Variants in MCTP2 observed in about 807,000 individuals in gnomAD.
The protein encoded by MCTP2 is multiple C2 and transmembrane domain containing 2, also known as multiple C2 and transmembrane domain-containing protein 2.
Under a neutral mutation model 111.6 loss-of-function variants are expected in MCTP2, and 132 were observed. That is an observed-to-expected ratio of 1.18 (90% confidence interval 1.03 to 1.37). The LOEUF (loss-of-function observed/expected upper bound fraction) is 1.37, where lower values mean the gene tolerates loss of function less well. Among genes scored for constraint, MCTP2 ranks in the 40% most tolerant of loss-of-function variants. The pLI is 0.00. For synonymous variants in MCTP2, 395 were observed against 387.7 expected (o/e 1.02, Z -0.22); for missense variants, 1,183 against 1,067.9 (o/e 1.11, Z -1.50).
chr15:94,237,751 A>T (rs1436109059), intron 1 of MCTP2, among the ~76,000 whole-genome samples: 2 of 152,136 alleles, frequency 1.3e-5, no homozygotes, highest in Admixed American at 6.5e-5. Flanking sequence ...TCCTGAAGAG[A>T]TTAAGAGTCT....
intron 12 of MCTP2, among the ~76,000 whole-genome samples, chr15:94,382,018 G>A (rs2080165290): frequency 6.6e-6 from 1 of 152,240 alleles, no homozygotes; most frequent in Non-Finnish European, 1.5e-5. Context: ...TTCATTCACA[G>A]AAGCTACAAA....
intron 4 of MCTP2, among the ~76,000 whole-genome samples, chr15:94,322,819 G>A (rs1284440540): frequency 1.3e-5 from 2 of 152,248 alleles, no homozygotes; most frequent in South Asian, 2.1e-4. Flanking sequence ...CAGCAGTGGA[G>A]TGGAAGAATA....
intron 20 of MCTP2, among the ~76,000 whole-genome samples, chr15:94,462,686 G>T (rs977229108): frequency 6.6e-5 from 10 of 152,168 alleles, no homozygotes; most frequent in African/African-American, 1.9e-4. Context: ...ATGAAGACGG[G>T]ATCGTAACCA....
chr15:94,333,991 G>A (rs2077243291), intron 4 of MCTP2, among the ~76,000 whole-genome samples: 1 of 152,116 alleles, frequency 6.6e-6, no homozygotes, highest in Admixed American at 6.5e-5. Flanking sequence ...GGTGGCAATA[G>A]AAGAAATACT....
chr15:94,251,930 C>T (rs560183719), intron 1 of MCTP2, among the ~76,000 whole-genome samples: 7 of 152,276 alleles, frequency 4.6e-5, no homozygotes, highest in African/African-American at 1.7e-4. Flanking sequence ...GCATAATGTC[C>T]TCAAGGTTCA....
chr15:94,281,883 C>T (rs560771489), intron 1 of MCTP2, among the ~76,000 whole-genome samples: 6 of 152,054 alleles, frequency 3.9e-5, no homozygotes, highest in African/African-American at 7.2e-5. Flanking sequence ...AATATAGGCC[C>T]GCAATTATTT....
intron 17 of MCTP2, among the ~76,000 whole-genome samples, chr15:94,406,858 G>GT (rs199663326): frequency 0.25 from 33,649 of 131,964 alleles, 4,475 homozygotes; most frequent in East Asian, 0.4. Flanking sequence ...CTTTTCAGTT[G>GT]TTTTTTTTTT....
Position 94,324,289 on chromosome 15 carries a change from A to C in MCTP2, c.637+8652A>C, listed in dbSNP as rs151048930. ...CAGCTCATACCCTGTTGGCTCGTAG[A>C]GCGCTAATACGTGGAAAACAATAGC... On this transcript the variant is annotated intron_variant, in intron 4 of 22. Transcript: ENST00000357742. Among the ~76,000 whole-genome samples the C allele has an allele frequency of 4.9e-3, 746 of 152,324 alleles. 6 individuals are homozygous for C. The highest frequency in any genetic ancestry group is 0.016 in the African/African-American group (679 of 41,576).
chr15:94,276,734 T>C (rs1188290496), intron 1 of MCTP2, among the ~76,000 whole-genome samples: 1 of 139,148 alleles, frequency 7.2e-6, no homozygotes, highest in Non-Finnish European at 1.5e-5. Flanking sequence ...TTTACTACAT[T>C]AACAGATAAA....
intron 1 of MCTP2, among the ~76,000 whole-genome samples, chr15:94,292,580 A>T (rs2152327245): frequency 6.6e-6 from 1 of 152,330 alleles, no homozygotes; most frequent in Admixed American, 6.5e-5. Flanking sequence ...TATGTGAGCT[A>T]AAACTGGAGA....
At chr15:94,429,385 A>T (rs1401837113) in intron 17 of MCTP2, among the ~76,000 whole-genome samples, 1 of 152,156 alleles carries the variant, frequency 6.6e-6, no homozygotes, top group Non-Finnish European at 1.5e-5. Flanking sequence ...CCTTTCAAAG[A>T]GTTATGTCTC....
chr15:94,279,894 C>T (rs1351230777), intron 1 of MCTP2, among the ~76,000 whole-genome samples: 4 of 152,080 alleles, frequency 2.6e-5, no homozygotes, highest in Non-Finnish European at 4.4e-5. Context: ...TCTATTTATG[C>T]GATGAATCAC....
chr15:94,392,669 A>C (rs2081054041), intron 14 of MCTP2, among the ~76,000 whole-genome samples: 1 of 151,838 alleles, frequency 6.6e-6, no homozygotes, highest in African/African-American at 2.4e-5. Flanking sequence ...CAAAAAAATT[A>C]GCTGGGCATG....
chr15:94,322,574 G>A (rs1201660893), intron 4 of MCTP2, among the ~76,000 whole-genome samples: 1 of 152,178 alleles, frequency 6.6e-6, no homozygotes, highest in African/African-American at 2.4e-5. Flanking sequence ...GGATTTAACT[G>A]ATGGGCCAAA....
At chr15:94,459,842 G>A (rs1473951214) in intron 20 of MCTP2, among the ~76,000 whole-genome samples, 2 of 152,176 alleles carry the variant, frequency 1.3e-5, no homozygotes, top group African/African-American at 2.4e-5. Context: ...TCGCATGCCA[G>A]CCATGCACTC....
At chr15:94,452,610 T>G (rs995758664) in intron 19 of MCTP2, among the ~76,000 whole-genome samples, 1 of 152,194 alleles carries the variant, frequency 6.6e-6, no homozygotes, top group Non-Finnish European at 1.5e-5. Flanking sequence ...ACACTGAGGA[T>G]GGACCCACCA....
chr15:94,377,182 A>G (rs1424268561), intron 12 of MCTP2, among the ~76,000 whole-genome samples: 1 of 152,156 alleles, frequency 6.6e-6, no homozygotes, highest in Non-Finnish European at 1.5e-5. Context: ...TGCCCATATT[A>G]TGGTTTCATT....
At chr15:94,439,820 C>A (rs2083675536) in intron 17 of MCTP2, among the ~76,000 whole-genome samples, 1 of 152,194 alleles carries the variant, frequency 6.6e-6, no homozygotes, top group African/African-American at 2.4e-5. Flanking sequence ...AGTAGTGGCT[C>A]TTTCCTGTTC....
chr15:94,386,935 G>C (rs1256225709), intron 14 of MCTP2, among the ~76,000 whole-genome samples: 1 of 151,950 alleles, frequency 6.6e-6, no homozygotes, highest in Admixed American at 6.6e-5. Context: ...ACCCTTACCC[G>C]ATTCTGTCTT....
Sources: gnomAD v4.1 joint callset for allele counts (sites outside exome capture counted in the v4.1 genomes callset) on GRCh38, gnomAD v4.1.1 for gene constraint, MANE v1.5 for transcripts, NCBI Gene and HGNC (gene_info 2026-07-23, HGNC 2026-07-21) for gene names.